PDCD6IP: variants seen among roughly 807,000 people sequenced by gnomAD.
PDCD6IP encodes programmed cell death 6 interacting protein, also known as programmed cell death 6-interacting protein.
A neutral mutation model predicts 103.7 loss-of-function variants in PDCD6IP; 43 were observed. The observed-to-expected ratio is 0.41, with a 90% CI of 0.32 to 0.53. The LOEUF is 0.53. Among genes scored for constraint, PDCD6IP ranks in the 20% least tolerant of loss-of-function variants. The probability of loss-of-function intolerance (pLI) is 0.16; values close to 1 mark genes in which losing one functional copy is unlikely to be tolerated. For missense variants in PDCD6IP, 871 were observed against 1,036.7 expected (o/e 0.84, Z 2.20); for synonymous variants, 354 against 378.7 (o/e 0.93, Z 0.76).
At chr3:33,856,242 G>C (rs1697826589) in intron 15 of PDCD6IP, among the ~76,000 whole-genome samples, 1 of 152,144 alleles carries the variant, frequency 6.6e-6, no homozygotes, top group South Asian at 2.1e-4. Context: ...AAAAGGTTGG[G>C]GACTGCTCCT....
At chr3:33,843,152 T>C (rs1697513813) in intron 10 of PDCD6IP, among the ~76,000 whole-genome samples, 1 of 152,166 alleles carries the variant, frequency 6.6e-6, no homozygotes, top group Non-Finnish European at 1.5e-5. Context: ...TACTTCTTGT[T>C]TTTTCTTTTT....
chr3:33,841,550 T>G (rs1156765506), intron 9 of PDCD6IP, among the ~76,000 whole-genome samples: 3 of 146,212 alleles, frequency 2.1e-5, no homozygotes, highest in African/African-American at 2.5e-5. Context: ...GCCATTCTCC[T>G]GCCTCAGCCT....
At chr3:33,809,692 T>C (rs1696675185) in intron 1 of PDCD6IP, among the ~76,000 whole-genome samples, 3 of 152,258 alleles carry the variant, frequency 2.0e-5, no homozygotes, top group Admixed American at 2.0e-4. Flanking sequence ...CTAATATTAT[T>C]TACAGGTTCA....
chr3:33,824,965 AT>A, intron 4 of PDCD6IP, among the ~76,000 whole-genome samples: 1 of 152,112 alleles, frequency 6.6e-6, no homozygotes, highest in South Asian at 2.1e-4. Context: ...TTTCCTTGTA[AT>A]TTACTTTTAA....
chr3:33,859,024 A>T (rs1357554203), intron 15 of PDCD6IP, among the ~76,000 whole-genome samples: 2 of 152,210 alleles, frequency 1.3e-5, no homozygotes, highest in Non-Finnish European at 2.9e-5. Flanking sequence ...TACTAGTTCT[A>T]CCAGATATTA....
In PDCD6IP at chr3:33,798,638, C is replaced by T. The variant is rs1044404663; in HGVS notation, c.-91C>T. 8.1e-6 allele frequency: 10 copies of T among 1,228,564 alleles called. No homozygotes were observed. In the Admixed American group the frequency reaches 1.2e-4, roughly 15 times the overall value. The allele number at this position is 1,228,564 out of a possible 1,614,324, so 76.1% of individuals were successfully genotyped here. On this transcript the variant is annotated 5_prime_UTR_variant, in exon 1 of 18. Coordinates refer to ENST00000307296, the MANE Select transcript of PDCD6IP (RefSeq NM_013374.6). Reference sequence around the variant, plus strand: ...GCGCAAGTCTGTCAGCCAGTCAGTCCGCCAGTCCGCCAGCCCAGTACCTCT... The same window carrying T: ...GCGCAAGTCTGTCAGCCAGTCAGTCTGCCAGTCCGCCAGCCCAGTACCTCT...
intron 7 of PDCD6IP, among the ~76,000 whole-genome samples, chr3:33,835,686 C>T (rs1231096356): frequency 1.3e-5 from 2 of 151,780 alleles, no homozygotes; most frequent in South Asian, 2.1e-4. Context: ...CCACTGTGCT[C>T]CAGCCTGGGC....
chr3:33,811,662 AGACAGATAGAGATGGGCTTAC>A (rs1192532040), intron 1 of PDCD6IP, among the ~76,000 whole-genome samples: 5 of 152,108 alleles, frequency 3.3e-5, no homozygotes, highest in African/African-American at 1.2e-4. Flanking sequence ...GCAGTGCTGG[AGACAGATAGAGATGGGCTTAC>A]CCAAAACATT....
rs545449341 is a variant in PDCD6IP, at chr3:33,821,125, G to A, written c.335-830G>A. 5.3e-5 allele frequency among the ~76,000 whole-genome samples: 8 copies of A among 151,960 alleles called. No homozygotes were observed. In the East Asian group the frequency reaches 1.4e-3, roughly 26 times the overall value. ...GGGCCCTAGTGGTCCTCCCGCCTCC[G>A]AGTAGCTAGGACTATAGACATGCAC... On this transcript the variant is annotated intron_variant, in intron 3 of 17. Transcript: ENST00000307296.
Position 33,836,264 on chromosome 3 carries a change from C to T in PDCD6IP, c.1055C>T (p.Thr352Ile). ...PVNVPISQKFTDLFEKMVPVS... is the reference protein window; with the variant it reads ...PVNVPISQKFIDLFEKMVPVS... ...AATGTACCCATCAGTCAGAAATTTA[C>T]TGGTATGTCAGTTATTCAGACACAC... is the stretch of plus-strand genomic sequence containing the variant. The change falls in exon 8 of 18, where the codon ACT becomes ATT. Residue 352 changes from threonine to isoleucine, a missense_variant and splice_region_variant. By Grantham distance (89) the Thr-to-Ile change is moderately conservative (BLOSUM62 -1). Coordinates refer to ENST00000307296, the MANE Select transcript of PDCD6IP (RefSeq NM_013374.6). 2 of 1,561,766 alleles carry T rather than the reference C, an allele frequency of 1.3e-6. No individual in the cohort carries two copies. Among genetic ancestry groups the T allele is most frequent in the African/African-American group, 2.7e-5 (2 of 73,978 alleles).
chr3:33,841,454 T>TTTTTTTTTC, intron 9 of PDCD6IP, among the ~76,000 whole-genome samples: 1 of 144,990 alleles, frequency 6.9e-6, no homozygotes, highest in Non-Finnish European at 1.5e-5. Context: ...TTTTTTTTTT[T>TTTTTTTTTC]TTGAGACGGA....
chr3:33,865,504 G>GTTA, intron 17 of PDCD6IP, 74 bp downstream of exon 17: 1 of 1,249,542 alleles, frequency 8.0e-7, no homozygotes, highest in Non-Finnish European at 1.1e-6. Context: ...TTAAAAACAG[G>GTTA]GTCATCCCTT....
chr3:33,841,563 T>C (rs1404191729), intron 9 of PDCD6IP, among the ~76,000 whole-genome samples: 1 of 148,156 alleles, frequency 6.7e-6, no homozygotes, highest in Non-Finnish European at 1.5e-5. Flanking sequence ...CTCAGCCTCC[T>C]GAGTAGCTGG....
chr3:33,858,702 C>T (rs779147951), intron 15 of PDCD6IP, among the ~76,000 whole-genome samples: 5 of 151,766 alleles, frequency 3.3e-5, no homozygotes, highest in Non-Finnish European at 7.4e-5. Flanking sequence ...CCCAGCTACT[C>T]GAGAGGCTGA....
chr3:33,829,017 T>C, intron 7 of PDCD6IP, 48 bp downstream of exon 7: 3 of 1,436,240 alleles, frequency 2.1e-6, no homozygotes, highest in Non-Finnish European at 2.8e-6. Flanking sequence ...TGGATCTCTC[T>C]TTTTTTTCCT....
In PDCD6IP at chr3:33,866,341, C is replaced by T; in HGVS notation, c.2433-10C>T. ...TTACCAATCAAGATTTTTCTGTTTT[C>T]TTCTATCAGGTATTGCCAAATGCCC... On this transcript the variant is annotated splice_polypyrimidine_tract_variant and intron_variant, in intron 17 of 17. Coordinates refer to ENST00000307296, the MANE Select transcript of PDCD6IP (RefSeq NM_013374.6). The T allele has an allele frequency of 2.3e-6, 3 of 1,277,722 alleles. No homozygotes were observed. The highest frequency in any genetic ancestry group is 1.7e-5 in the South Asian group (1 of 60,016). 79.1% of individuals were successfully genotyped at this position (1,277,722 alleles called of 1,614,324 possible).
At chr3:33,830,353 G>T (rs1224046642) in intron 7 of PDCD6IP, among the ~76,000 whole-genome samples, 1 of 152,068 alleles carries the variant, frequency 6.6e-6, no homozygotes, top group African/African-American at 2.4e-5. Context: ...TGTAAGTTTA[G>T]TTTCTTTATT....
chr3:33,799,186 A>G (rs1696411003), intron 1 of PDCD6IP: 2 of 559,008 alleles, frequency 3.6e-6, no homozygotes, highest in East Asian at 2.8e-5. Context: ...TCCGTGGATC[A>G]GATACCTGGG....
At chr3:33,817,225 G>GT (rs1241213125) in intron 3 of PDCD6IP, among the ~76,000 whole-genome samples, 1 of 152,296 alleles carries the variant, frequency 6.6e-6, no homozygotes, top group African/African-American at 2.4e-5. Flanking sequence ...AGAACTCAGA[G>GT]TAATTCCTCC....
Sources: allele counts gnomAD v4.1 joint callset (sites outside exome capture counted in the v4.1 genomes callset), GRCh38; gene constraint gnomAD v4.1.1; transcripts MANE v1.5; gene names NCBI Gene and HGNC (gene_info 2026-07-23, HGNC 2026-07-21).